NWD2: variants seen among roughly 807,000 people sequenced by gnomAD.
NWD2 encodes the protein NACHT and WD repeat domain-containing protein 2.
Under a neutral mutation model 132.7 loss-of-function variants are expected in NWD2, and 37 were observed. The observed-to-expected ratio is 0.28, with a 90% confidence interval of 0.21 to 0.37. The LOEUF (loss-of-function observed/expected upper bound fraction) is 0.37, where lower values mean the gene tolerates loss of function less well. Ranked by LOEUF, NWD2 falls within the 10% of genes least tolerant of loss-of-function variation. The pLI, the probability that NWD2 is intolerant of heterozygous loss-of-function variation, is 1.00. For missense variants in NWD2, 1,592 were observed against 2,122.4 expected, an observed-to-expected ratio of 0.75 and a Z score of 4.91; for synonymous variants, 705 against 803.0, an observed-to-expected ratio of 0.88 and a Z score of 2.06.
At chr4:37,364,862 C>G (rs375333954) in intron 3 of NWD2, among the ~76,000 whole-genome samples, 2 of 152,074 alleles carry the variant, frequency 1.3e-5, no homozygotes, top group Non-Finnish European at 2.9e-5. Flanking sequence ...ACATTTTGAA[C>G]GGGGCCATAT....
rs756037912 is a variant in NWD2, at chr4:37,446,728, A to G, written c.4740A>G (p.Val1580=). The G allele has an allele frequency of 1.2e-5, 18 of 1,551,668 alleles. No homozygotes were observed. The South Asian group carries it at 1.9e-4, about 16-fold the overall frequency. The part of the protein sequence containing the change: ...QRLSRDGRYL[V]YICFRNGEEE... ...TGTCTCGGGATGGTCGCTACCTGGT[A>G]TACATTTGTTTCCGAAATGGGGAGG... is the stretch of plus-strand genomic sequence containing the variant. Residue 1580 remains valine (V), a synonymous_variant, in exon 7 of 7, where the codon GTA becomes GTG. Transcript: ENST00000309447. The surrounding 1 kb of genome is among the most constrained non-coding windows in gnomAD (Gnocchi z 6.7).
rs1285653592 is a variant in NWD2, at chr4:37,367,414, A to T, written c.357+10932A>T. Among the ~76,000 whole-genome samples the T allele has an allele frequency of 2.0e-5, 3 of 152,194 alleles. No individual in the cohort carries two copies. In the East Asian group the frequency reaches 5.8e-4, roughly 29 times the overall value. ...TTTGAAATTCATATAATTAGAAAAG[A>T]TGAGAATTTGAAAATTAATGATTTA... On this transcript the variant is annotated intron_variant, in intron 3 of 6. Transcript: ENST00000309447.
chr4:37,259,608 C>T (rs1416856140), intron 1 of NWD2, among the ~76,000 whole-genome samples: 3 of 152,182 alleles, frequency 2.0e-5, no homozygotes, highest in African/African-American at 7.2e-5. Flanking sequence ...AACCATCTGT[C>T]AATATACCAA....
intron 1 of NWD2, among the ~76,000 whole-genome samples, chr4:37,267,609 C>T (rs141139377): frequency 6.6e-6 from 1 of 151,934 alleles, no homozygotes; most frequent in Non-Finnish European, 1.5e-5. Context: ...CTATGTAGAT[C>T]TACTGAAAGT....
At chr4:37,310,514 T>C (rs1718812968) in intron 1 of NWD2, among the ~76,000 whole-genome samples, 2 of 152,188 alleles carry the variant, frequency 1.3e-5, no homozygotes, top group Admixed American at 6.5e-5. Context: ...GTTTTCTTTA[T>C]TGCACTGACC....
intron 2 of NWD2, among the ~76,000 whole-genome samples, chr4:37,343,020 T>C (rs1240859826): frequency 6.6e-6 from 1 of 152,198 alleles, no homozygotes; most frequent in Non-Finnish European, 1.5e-5. Flanking sequence ...ACAATAGTTC[T>C]AGTAAAATGT....
intron 3 of NWD2, among the ~76,000 whole-genome samples, chr4:37,399,531 A>G (rs1022697810): frequency 2.6e-5 from 4 of 152,234 alleles, no homozygotes. Context: ...AAAATCCCTC[A>G]TTTAACCTGG....
chr4:37,296,332 C>T (rs1175201391), intron 1 of NWD2, among the ~76,000 whole-genome samples: 2 of 152,110 alleles, frequency 1.3e-5, no homozygotes, highest in Admixed American at 6.6e-5. Flanking sequence ...TGCCTTTAAA[C>T]AGAAACACAC....
intron 3 of NWD2, among the ~76,000 whole-genome samples, chr4:37,390,256 T>C (rs1388311799): frequency 6.7e-6 from 1 of 149,604 alleles, no homozygotes; most frequent in African/African-American, 2.5e-5. Flanking sequence ...TGTACATACT[T>C]TAAGTATATG....
At chr4:37,265,389 C>T (rs946088535) in intron 1 of NWD2, among the ~76,000 whole-genome samples, 1 of 152,038 alleles carries the variant, frequency 6.6e-6, no homozygotes, top group Non-Finnish European at 1.5e-5. Flanking sequence ...CAAAACCATT[C>T]GTATTCGTTT....
chr4:37,307,067 A>C (rs534873241), intron 1 of NWD2, among the ~76,000 whole-genome samples: 1 of 152,048 alleles, frequency 6.6e-6, no homozygotes, highest in South Asian at 2.1e-4. Context: ...TGAGAGGAAT[A>C]TGTATTCTGT....
At chr4:37,266,530 G>T (rs1018839397) in intron 1 of NWD2, among the ~76,000 whole-genome samples, 10 of 152,038 alleles carry the variant, frequency 6.6e-5, no homozygotes, top group Non-Finnish European at 1.2e-4. Flanking sequence ...GAAGGACTCT[G>T]ATTGGCTTGG....
chr4:37,445,164 C>T lies in NWD2; in HGVS notation c.3176C>T (p.Thr1059Ile). Reference protein sequence around the residue: ...IKGTKHGSSATYINGFTLSAN... With the variant: ...IKGTKHGSSAIYINGFTLSAN... ...GGGACCAAGCATGGAAGCAGCGCCA[C>T]CTACATCAATGGATTTACACTGTCC... The change falls in exon 7 of 7, where the codon ACC becomes ATC. Residue 1059 changes from threonine to isoleucine, a missense_variant. By Grantham distance (89) the Thr-to-Ile change is moderately conservative. This residue lies in a region of NWD2 where 1,071 missense variants were observed against 1,398.0 expected (regional missense o/e 0.77). Transcript: ENST00000309447. This position sits in a 1 kb window ranked among gnomAD's most constrained non-coding sequence, Gnocchi z 4.7. 1.3e-6 allele frequency: 2 copies of T among 1,552,058 alleles called. No homozygotes were observed. The highest frequency in any genetic ancestry group is 1.7e-6 in the Non-Finnish European group (2 of 1,147,076).
At position 37,444,178 on chromosome 4, in the gene NWD2, A is replaced by G; in HGVS notation, c.2190A>G (p.Leu730=). 1 of 1,551,680 alleles carries G rather than the reference A, an allele frequency of 6.4e-7. No homozygotes were observed. The highest frequency in any genetic ancestry group is 1.2e-5 in the South Asian group (1 of 84,058). Residue 730 remains leucine, a synonymous_variant, in exon 7 of 7, where the codon CTA becomes CTG. Coordinates refer to ENST00000309447, the MANE Select transcript of NWD2 (RefSeq NM_001144990.2). The surrounding 1 kb of genome is among the most constrained non-coding windows in gnomAD (Gnocchi z 4.8). The stretch of plus-strand genomic sequence containing the variant: ...GACATGTGAAAAATGTCACACTCCT[A>G]GTCTGGGCCAACAGACACCTGCAGC... The part of the protein sequence containing the change: ...IERHVKNVTL[L]VWANRHLQLI...
At chr4:37,281,280 G>C (rs1407053657) in intron 1 of NWD2, among the ~76,000 whole-genome samples, 1 of 152,138 alleles carries the variant, frequency 6.6e-6, no homozygotes, top group Non-Finnish European at 1.5e-5. Context: ...GACAGTTTGT[G>C]GTCCCCTCTC....
intron 1 of NWD2, among the ~76,000 whole-genome samples, chr4:37,251,866 C>T (rs527617659): frequency 8.4e-4 from 128 of 152,300 alleles, no homozygotes; most frequent in Admixed American, 1.6e-3. Context: ...TAAATATTCA[C>T]GAAGCAACTA....
intron 2 of NWD2, among the ~76,000 whole-genome samples, chr4:37,344,539 C>T (rs1441979998): frequency 1.3e-5 from 2 of 152,046 alleles, no homozygotes; most frequent in Admixed American, 1.3e-4. Flanking sequence ...CAAAAGACTT[C>T]CATCAGTGGC....
At chr4:37,390,009 C>CA (rs1397244117) in intron 3 of NWD2, among the ~76,000 whole-genome samples, 1 of 152,200 alleles carries the variant, frequency 6.6e-6, no homozygotes, top group Non-Finnish European at 1.5e-5. Context: ...AGGCTGGTCT[C>CA]AAACTCTTGA....
intron 1 of NWD2, among the ~76,000 whole-genome samples, chr4:37,254,731 T>TAA (rs34509105): frequency 6.6e-6 from 1 of 151,974 alleles, no homozygotes; most frequent in African/African-American, 2.4e-5. Flanking sequence ...AGAAAGTTAA[T>TAA]AAAAAAAGAT....
Sources: gnomAD v4.1 joint callset for allele counts (sites outside exome capture counted in the v4.1 genomes callset) on GRCh38, gnomAD v4.1.1 for gene constraint, gnomAD v4.1.1 regional missense constraint, Gnocchi (gnomAD v3.1) non-coding constraint, MANE v1.5 for transcripts, NCBI Gene and HGNC (gene_info 2026-07-23, HGNC 2026-07-21) for gene names.